ANKRD29: variants seen among roughly 807,000 people sequenced by gnomAD.
ANKRD29 encodes ankyrin repeat domain 29, also known as ankyrin repeat domain-containing protein 29.
ANKRD29 carries 32 observed loss-of-function variants against 38.0 expected under a neutral mutation model. That is an observed-to-expected ratio of 0.84 (90% confidence interval 0.64 to 1.13). ANKRD29 has a LOEUF of 1.13. Among genes scored for constraint, ANKRD29 ranks in the 50% most tolerant of loss-of-function variants. The probability of loss-of-function intolerance (pLI) is 0.00; values close to 1 mark genes in which losing one functional copy is unlikely to be tolerated. For synonymous variants in ANKRD29, 135 were observed against 152.4 expected (o/e 0.89, Z 0.84); for missense variants, 357 against 377.9 (o/e 0.94, Z 0.46).
intron 4 of ANKRD29, among the ~76,000 whole-genome samples, chr18:23,637,323 G>A (rs778608801): frequency 2.6e-5 from 4 of 152,180 alleles, no homozygotes; most frequent in African/African-American, 4.8e-5. Context: ...AGGCATATAC[G>A]TAGTACAATA....
intron 3 of ANKRD29, among the ~76,000 whole-genome samples, chr18:23,644,501 C>T (rs1025763261): frequency 2.0e-5 from 3 of 152,194 alleles, no homozygotes; most frequent in South Asian, 2.1e-4. Context: ...CCTCAAACAA[C>T]GATCTAGTGT....
chr18:23,623,352 G>C (rs571713575), intron 6 of ANKRD29, among the ~76,000 whole-genome samples: 3 of 152,288 alleles, frequency 2.0e-5, no homozygotes, highest in Admixed American at 1.3e-4. Flanking sequence ...ATGTGAGTTA[G>C]AGCATTATTG....
At chr18:23,638,743 C>A in intron 4 of ANKRD29, 106 bp downstream of exon 4, 1 of 923,840 alleles carries the variant, frequency 1.1e-6, no homozygotes, top group South Asian at 1.9e-5. Context: ...GTTTGAGAAT[C>A]TTGTAAAAAG....
At chr18:23,640,444 A>G (rs2060059204) in intron 3 of ANKRD29, among the ~76,000 whole-genome samples, 1 of 152,236 alleles carries the variant, frequency 6.6e-6, no homozygotes, top group Non-Finnish European at 1.5e-5. Flanking sequence ...AAGAATTCAA[A>G]TTACAAATTT....
At chr18:23,626,404 G>A (rs1234639676) in intron 6 of ANKRD29, among the ~76,000 whole-genome samples, 2 of 152,208 alleles carry the variant, frequency 1.3e-5, no homozygotes, top group Non-Finnish European at 2.9e-5. Context: ...AGGTGGGTGA[G>A]TGGAGTTGGG....
chr18:23,653,995 C>T (rs565692965), intron 1 of ANKRD29, among the ~76,000 whole-genome samples: 2 of 151,954 alleles, frequency 1.3e-5, no homozygotes, highest in African/African-American at 4.8e-5. Context: ...GGGCTGGGTG[C>T]GGTGTCTCAC....
chr18:23,616,064 G>A (rs935906827), intron 8 of ANKRD29, among the ~76,000 whole-genome samples: 7 of 148,318 alleles, frequency 4.7e-5, no homozygotes, highest in African/African-American at 9.9e-5. Flanking sequence ...TACACATACC[G>A]TATGTATGTA....
At chr18:23,638,305 C>T (rs1380890914) in intron 4 of ANKRD29, among the ~76,000 whole-genome samples, 1 of 152,140 alleles carries the variant, frequency 6.6e-6, no homozygotes, top group Non-Finnish European at 1.5e-5. Context: ...TAGCCAATTA[C>T]TTCTTTAAAG....
chr18:23,620,290 T>C (rs1347413394), intron 6 of ANKRD29, among the ~76,000 whole-genome samples: 2 of 152,192 alleles, frequency 1.3e-5, no homozygotes, highest in African/African-American at 2.4e-5. Flanking sequence ...TAGGAAGTGA[T>C]GCACATAAAC....
intron 3 of ANKRD29, among the ~76,000 whole-genome samples, chr18:23,641,173 C>T (rs920185537): frequency 3.9e-5 from 6 of 152,226 alleles, no homozygotes; most frequent in Non-Finnish European, 4.4e-5. Flanking sequence ...CAGGCTGCCA[C>T]ACGGGAGGTG....
chr18:23,662,613 G>GGCCCCCCCCC, intron 1 of ANKRD29, 97 bp downstream of exon 1: 1 of 403,936 alleles, frequency 2.5e-6, no homozygotes, highest in Non-Finnish European at 4.5e-6. Flanking sequence ...AGCGGGCAGC[G>GGCCCCCCCCC]CCCACCCCAT....
chr18:23,638,434 G>A (rs1208902166), intron 4 of ANKRD29, among the ~76,000 whole-genome samples: 1 of 152,220 alleles, frequency 6.6e-6, no homozygotes, highest in South Asian at 2.1e-4. Context: ...AAATGTCTCA[G>A]ATCTAGTAGG....
intron 9 of ANKRD29, among the ~76,000 whole-genome samples, chr18:23,606,160 A>C (rs888526741): frequency 6.6e-6 from 1 of 152,228 alleles, no homozygotes; most frequent in African/African-American, 2.4e-5. Flanking sequence ...CTAAGGCTGG[A>C]GTGCAGTGGC....
chr18:23,623,481 C>A (rs1045793394), intron 6 of ANKRD29, among the ~76,000 whole-genome samples: 7 of 152,120 alleles, frequency 4.6e-5, no homozygotes, highest in African/African-American at 1.4e-4. Context: ...ATGGTTAGAG[C>A]CTTCATTTTC....
At chr18:23,657,388 C>T (rs1450973287) in intron 1 of ANKRD29, among the ~76,000 whole-genome samples, 1 of 152,210 alleles carries the variant, frequency 6.6e-6, no homozygotes, top group Non-Finnish European at 1.5e-5. Flanking sequence ...TTCAGTCACT[C>T]AGCAAAATCA....
At chr18:23,616,870 A>G (rs745637158) in intron 8 of ANKRD29, among the ~76,000 whole-genome samples, 2 of 150,986 alleles carry the variant, frequency 1.3e-5, no homozygotes, top group Non-Finnish European at 2.9e-5. Flanking sequence ...CTTTACAGAA[A>G]AAGTTTGCTG....
rs1171646621 is a variant in ANKRD29, at chr18:23,646,215, C to G, written c.205G>C (p.Gly69Arg). The G allele has an allele frequency of 1.6e-5, 26 of 1,614,016 alleles. No homozygotes were observed. Among genetic ancestry groups the G allele is most frequent in the Non-Finnish European group, 2.2e-5 (26 of 1,180,030 alleles). Residue 69 changes from glycine (G) to arginine (R), a missense_variant, in exon 3 of 10, where the codon GGA becomes CGA. Gly to Arg is a moderately radical substitution (Grantham distance 125). Coordinates refer to ENST00000592179, the MANE Select transcript of ANKRD29 (RefSeq NM_173505.4). ...TCTCTCTGGAGATTGATGTCTGCTCCTTGCAGAACCAGTTCCCTCACACAG... is the reference window on the plus strand; with the variant it reads ...TCTCTCTGGAGATTGATGTCTGCTCGTTGCAGAACCAGTTCCCTCACACAG... ...IDCVRELVLQ[G>R]ADINLQRESG...
At chr18:23,622,427 G>A (rs1355772334) in intron 6 of ANKRD29, among the ~76,000 whole-genome samples, 6 of 152,166 alleles carry the variant, frequency 3.9e-5, no homozygotes, top group African/African-American at 9.7e-5. Flanking sequence ...ACCAGAGGGC[G>A]GGCAGGGAGA....
At chr18:23,659,755 A>C (rs545168987) in intron 1 of ANKRD29, among the ~76,000 whole-genome samples, 6 of 151,788 alleles carry the variant, frequency 4.0e-5, no homozygotes, top group African/African-American at 1.4e-4. Context: ...AAAGACAAAA[A>C]AAAAAACAAA....
Sources: gnomAD v4.1 joint callset for allele counts (sites outside exome capture counted in the v4.1 genomes callset) on GRCh38, gnomAD v4.1.1 for gene constraint, MANE v1.5 for transcripts, NCBI Gene and HGNC (gene_info 2026-07-23, HGNC 2026-07-21) for gene names.